KRT80: variants seen among roughly 807,000 people sequenced by gnomAD.
KRT80 encodes the protein keratin 80.
In KRT80, 36 loss-of-function variants were observed where a neutral mutation model predicts 51.5. That is an observed-to-expected ratio of 0.70 (90% CI 0.54 to 0.92). The LOEUF is 0.92. Among genes scored for constraint, KRT80 ranks in the 40% least tolerant of loss-of-function variants. KRT80 has a pLI of 0.00. For synonymous variants in KRT80, 235 were observed against 248.3 expected, an observed-to-expected ratio of 0.95 and a Z score of 0.50; for missense variants, 566 against 591.7, an observed-to-expected ratio of 0.96 and a Z score of 0.45.
At chr12:52,174,940 A>G (rs1941194093) in intron 4 of KRT80, among the ~76,000 whole-genome samples, 1 of 152,060 alleles carries the variant, frequency 6.6e-6, no homozygotes, top group Non-Finnish European at 1.5e-5. Context: ...GGGAAGGAGG[A>G]GCAAGGCGAG....
At chr12:52,175,920 G>A (rs1941210791) in intron 4 of KRT80, among the ~76,000 whole-genome samples, 1 of 152,180 alleles carries the variant, frequency 6.6e-6, no homozygotes, top group African/African-American at 2.4e-5. Flanking sequence ...TTTCAGAGCT[G>A]CAGCTTTGAG....
chr12:52,183,761 C>T (rs374192932), intron 2 of KRT80, among the ~76,000 whole-genome samples: 13 of 152,368 alleles, frequency 8.5e-5, no homozygotes, highest in African/African-American at 2.9e-4. Flanking sequence ...AGCAGCCTTA[C>T]CCAGTGGCTG....
chr12:52,172,053 C>T, intron 7 of KRT80, 145 bp downstream of exon 7: 1 of 814,968 alleles, frequency 1.2e-6, no homozygotes. Context: ...GCCAAGGTCC[C>T]AGTTTGTAAG....
chr12:52,179,342 T>C (rs887855512), intron 4 of KRT80, among the ~76,000 whole-genome samples: 3 of 152,202 alleles, frequency 2.0e-5, no homozygotes, highest in African/African-American at 7.2e-5. Context: ...GTGGGCATGG[T>C]GCCCTGGTCA....
chr12:52,172,960 T>C, intron 6 of KRT80, 78 bp downstream of exon 6: 1 of 1,509,302 alleles, frequency 6.6e-7, no homozygotes, highest in South Asian at 1.3e-5. Context: ...CAGTCATGTC[T>C]TGCCTGTATT....
At position 52,185,591 on chromosome 12, in the gene KRT80, G is replaced by T; in HGVS notation, c.301-4C>A. ...TGCGCTGTTCCAGGGCTTGCACCTG[G>T]GAGAGCAGGAAGGCGGCGAATGGGT... On this transcript the variant is annotated splice_polypyrimidine_tract_variant and splice_region_variant and intron_variant, in intron 1 of 8. Coordinates refer to ENST00000394815, the MANE Select transcript of KRT80 (RefSeq NM_182507.3). The T allele has an allele frequency of 6.2e-7, 1 of 1,605,932 alleles. No individual in the cohort carries two copies.
intron 4 of KRT80, 69 bp from the exon 5 acceptor site, chr12:52,173,833 T>A: frequency 6.7e-7 from 1 of 1,500,748 alleles, no homozygotes; most frequent in Non-Finnish European, 9.1e-7. Flanking sequence ...CCCCACACAG[T>A]CACTTTGTCC....
At chr12:52,180,751 G>T (rs1169907163) in intron 3 of KRT80, 143 bp from the exon 4 acceptor site, 12 of 1,587,208 alleles carry the variant, frequency 7.6e-6, no homozygotes, top group Non-Finnish European at 1.0e-5. Flanking sequence ...GGAGCTGGAT[G>T]GGGATGGGGG....
intron 3 of KRT80, 24 bp downstream of exon 3, chr12:52,180,879 C>G: frequency 1.2e-6 from 2 of 1,605,252 alleles, no homozygotes; most frequent in Non-Finnish European, 1.7e-6. Flanking sequence ...GGAAGGAGCC[C>G]CTGGGGCAGG....
At chr12:52,173,223 C>G in intron 5 of KRT80, 60 bp from the exon 6 acceptor site, 1 of 1,485,060 alleles carries the variant, frequency 6.7e-7, no homozygotes, top group Non-Finnish European at 9.0e-7. Flanking sequence ...GCACTTGTTA[C>G]CCGCCTCTGC....
In KRT80 at chr12:52,171,291, G is replaced by C; in HGVS notation, c.*107C>G. 1.7e-6 allele frequency: 2 copies of C among 1,180,578 alleles called. No individual in the cohort carries two copies. Among genetic ancestry groups the C allele is most frequent in the Non-Finnish European group, 2.4e-6 (2 of 835,252 alleles). The allele number at this position is 1,180,578 out of a possible 1,614,324, so 73.1% of individuals were successfully genotyped here. A position where few individuals can be genotyped will look rare whatever the true frequency, so the allele number is the denominator to read the frequency against. On this transcript the variant is annotated 3_prime_UTR_variant, in exon 9 of 9. Transcript: ENST00000394815. Reference sequence around the variant, plus strand: ...AACCCCTCTCTCAGTTCAATATCAGGTTTTGCCTCTCTTCTCAACCTAGAG... The same window carrying C: ...AACCCCTCTCTCAGTTCAATATCAGCTTTTGCCTCTCTTCTCAACCTAGAG...
intron 4 of KRT80, among the ~76,000 whole-genome samples, chr12:52,177,528 C>A (rs1050365554): frequency 2.0e-5 from 3 of 152,034 alleles, no homozygotes; most frequent in Non-Finnish European, 2.9e-5. Flanking sequence ...CAGCCTGTGC[C>A]CCCAGGGGAG....
chr12:52,181,073 C>A (rs1316467383), intron 2 of KRT80, 110 bp from the exon 3 acceptor site: 5 of 718,610 alleles, frequency 7.0e-6, no homozygotes, highest in Non-Finnish European at 1.1e-5. Flanking sequence ...GGTCTCTTTG[C>A]CAATTAAAGA....
In KRT80 at chr12:52,185,476, G is replaced by A. The variant is rs550455198; in HGVS notation, c.412C>T (p.Arg138Trp). 6.6e-5 allele frequency: 106 copies of A among 1,613,980 alleles called. No individual in the cohort carries two copies. The South Asian group carries it at 9.7e-4, about 15-fold the overall frequency. Reference sequence around the variant, plus strand: ...ACTTTGCGCAGTTCCTCCTGCAGCCGGCCCTGATATTCCTCATAGAGATGC... The same window carrying A: ...ACTTTGCGCAGTTCCTCCTGCAGCCAGCCCTGATATTCCTCATAGAGATGC... Reference protein sequence around the residue: ...LGHLYEEYQGRLQEELRKVSQ... With the variant: ...LGHLYEEYQGWLQEELRKVSQ... Residue 138 changes from arginine (R) to tryptophan (W), a missense_variant, in exon 2 of 9, where the codon CGG (arginine) becomes TGG (tryptophan). By Grantham distance (101) the Arg-to-Trp change is moderately radical. Transcript: ENST00000394815.
In KRT80 at chr12:52,169,969, G is replaced by A. The variant is rs1483727063; in HGVS notation, c.*1429C>T. 1 of 152,522 alleles carries A rather than the reference G, an allele frequency of 6.6e-6. No homozygotes were observed. 9.4% of individuals were successfully genotyped at this position (152,522 alleles called of 1,614,324 possible). ...TGAATGAATCTAATGCAGTCTAGAA[G>A]AGGAGGTGAGGCAAGGGGCAGGGAG... On this transcript the variant is annotated 3_prime_UTR_variant, in exon 9 of 9. Transcript: ENST00000394815.
Position 52,170,656 on chromosome 12 carries a change from G to C in KRT80, c.*742C>G, listed in dbSNP as rs531627038. 1 of 152,572 alleles carries C rather than the reference G, an allele frequency of 6.6e-6. No homozygotes were observed. The highest frequency in any genetic ancestry group is 1.5e-5 in the Non-Finnish European group (1 of 68,076). 9.5% of individuals were successfully genotyped at this position (152,572 alleles called of 1,614,324 possible). A position where few individuals can be genotyped will look rare whatever the true frequency, so the allele number is the denominator to read the frequency against. On this transcript the variant is annotated 3_prime_UTR_variant, in exon 9 of 9. Coordinates refer to ENST00000394815, the MANE Select transcript of KRT80 (RefSeq NM_182507.3). ...ACTCCCAGGGAGTTGATTATGGCAAGAGCAGCTTCCGGAGAAGCTGCTGGG... is the reference window on the plus strand; with the variant it reads ...ACTCCCAGGGAGTTGATTATGGCAACAGCAGCTTCCGGAGAAGCTGCTGGG...
At chr12:52,178,991 T>C (rs1941278494) in intron 4 of KRT80, among the ~76,000 whole-genome samples, 1 of 152,174 alleles carries the variant, frequency 6.6e-6, no homozygotes, top group Non-Finnish European at 1.5e-5. Context: ...TGCTCAGGAA[T>C]ATCACTGGTT....
intron 3 of KRT80, 134 bp downstream of exon 3, chr12:52,180,769 C>T (rs1249845987): frequency 1.3e-6 from 2 of 1,584,726 alleles, no homozygotes; most frequent in Admixed American, 1.8e-5. Context: ...GGGTATCTCC[C>T]TGTCTGTCTG....
chr12:52,181,894 C>T (rs372837729), intron 2 of KRT80, among the ~76,000 whole-genome samples: 3 of 152,198 alleles, frequency 2.0e-5, no homozygotes, highest in African/African-American at 2.4e-5. Flanking sequence ...CCCTCCTATT[C>T]GGGGAATGCC....
Sources: gnomAD v4.1 joint callset for allele counts (sites outside exome capture counted in the v4.1 genomes callset) on GRCh38, gnomAD v4.1.1 for gene constraint, MANE v1.5 for transcripts, NCBI Gene and HGNC (gene_info 2026-07-23, HGNC 2026-07-21) for gene names.